Variants in ZNF469 observed in about 807,000 individuals in gnomAD.
ZNF469 encodes the protein zinc finger protein 469.
Under a neutral mutation model 1.0 loss-of-function variants are expected in ZNF469, and 1 was observed. The observed-to-expected ratio is 1.00, with a 90% CI of 0.35 to 4.73. The LOEUF is 4.73. Ranked by LOEUF, ZNF469 falls within the 30% of genes most tolerant of loss-of-function variation. The pLI is 0.16. For synonymous variants in ZNF469, 2,703 were observed against 2,363.4 expected, an observed-to-expected ratio of 1.14 and a Z score of -4.17; for missense variants, 6,100 against 5,356.3, an observed-to-expected ratio of 1.14 and a Z score of -4.33.
the ZNF469 span, among the ~76,000 whole-genome samples, chr16:88,283,926 G>A: frequency 5.2e-5 from 7 of 133,766 alleles, no homozygotes; most frequent in South Asian, 1.2e-3. Flanking sequence ...GTGTGCCCGA[G>A]GTCTGCGGAG....
chr16:88,305,622 G>A, the ZNF469 span, among the ~76,000 whole-genome samples: 10 of 132,912 alleles, frequency 7.5e-5, no homozygotes, highest in East Asian at 7.2e-4. Flanking sequence ...ACACCCTCAC[G>A]TGCACACACA....
the ZNF469 span, among the ~76,000 whole-genome samples, chr16:88,201,247 A>T: frequency 6.6e-6 from 1 of 152,214 alleles, no homozygotes; most frequent in Non-Finnish European, 1.5e-5. This position sits in a 1 kb window ranked among gnomAD's most constrained non-coding sequence, Gnocchi z 5.0. Context: ...TTTTAAAGAA[A>T]ATAACCCTTT....
At chr16:88,402,635 C>T (rs74032842) in intron 1 of ZNF469, among the ~76,000 whole-genome samples, 13,791 of 152,208 alleles carry the variant, frequency 0.091, 884 homozygotes, top group African/African-American at 0.18. Context: ...TCTGCCCCCA[C>T]GGTCAGGGCC....
the ZNF469 span, among the ~76,000 whole-genome samples, chr16:88,299,113 G>C: frequency 6.6e-6 from 1 of 150,398 alleles, no homozygotes; most frequent in African/African-American, 2.4e-5. Context: ...GGCAGCTTGG[G>C]GTGGGGAGGG....
the ZNF469 span, among the ~76,000 whole-genome samples, chr16:88,101,188 C>T: frequency 1.2e-4 from 19 of 152,246 alleles, no homozygotes; most frequent in Non-Finnish European, 2.1e-4. Context: ...TGGTGACGAT[C>T]GCGATGCCTT....
the ZNF469 span, among the ~76,000 whole-genome samples, chr16:88,280,607 C>T: frequency 6.6e-6 from 1 of 151,910 alleles, no homozygotes; most frequent in Non-Finnish European, 1.5e-5. Context: ...TGCTGTGCCA[C>T]ACCAACGCTT....
At chr16:88,131,684 G>A in the ZNF469 span, among the ~76,000 whole-genome samples, 1 of 152,280 alleles carries the variant, frequency 6.6e-6, no homozygotes. Flanking sequence ...CCAGTGCAGG[G>A]AGGGGCCGCT....
In ZNF469 at chr16:88,435,719, C is replaced by A; in HGVS notation, c.8249C>A (p.Ala2750Asp). ...GAACAGCCAACTGGGCAGAAGGGAG[C>A]CTCGGCAAGGGGGTTCTGGGGACCA... ...LGEQPTGQKG[A>D]SARGFWGPRE... The change falls in exon 3 of 3, where the codon GCC becomes GAC. Residue 2750 changes from alanine to aspartate, a missense_variant. Transcript: ENST00000565624. The A allele has an allele frequency of 6.4e-7, 1 of 1,550,772 alleles. No homozygotes were observed. The highest frequency in any genetic ancestry group is 8.7e-7 in the Non-Finnish European group (1 of 1,146,980).
In ZNF469 at chr16:88,424,607, C is replaced by T. The variant is rs902394559; in HGVS notation, c.-191-200C>T. ...AGGTGACCCCTAAACCCTTCAGGGT[C>T]CCCCGGGCCAGCTGAGCTGCCCGCT... On this transcript the variant is annotated intron_variant, in intron 1 of 2. Coordinates refer to ENST00000565624, the MANE Select transcript of ZNF469 (RefSeq NM_001367624.2). The surrounding 1 kb of genome is among the most constrained non-coding windows in gnomAD (Gnocchi z 4.3). Among the ~76,000 whole-genome samples the T allele has an allele frequency of 2.0e-5, 3 of 152,128 alleles. No homozygotes were observed. The highest frequency in any genetic ancestry group is 6.5e-5 in the Admixed American group (1 of 15,280).
At chr16:88,157,666 G>T in the ZNF469 span, among the ~76,000 whole-genome samples, 1 of 152,166 alleles carries the variant, frequency 6.6e-6, no homozygotes, top group Admixed American at 6.5e-5. Flanking sequence ...AGTTTATTTG[G>T]TTGGATGTGG....
the ZNF469 span, among the ~76,000 whole-genome samples, chr16:88,323,277 G>A: frequency 6.6e-6 from 1 of 152,160 alleles, no homozygotes; most frequent in Admixed American, 6.5e-5. Context: ...CTGGGAGGCT[G>A]GGGACACGTG....
At chr16:88,283,995 CG>C in the ZNF469 span, among the ~76,000 whole-genome samples, 3 of 51,406 alleles carry the variant, frequency 5.8e-5, no homozygotes, top group African/African-American at 3.7e-4. Context: ...CGAGTGTGCC[CG>C]AGGTCTGTGG....
the ZNF469 span, among the ~76,000 whole-genome samples, chr16:88,157,690 A>G: frequency 6.7e-4 from 102 of 152,282 alleles, no homozygotes; most frequent in African/African-American, 2.4e-3. Flanking sequence ...TGGTGAAGAA[A>G]TGCCCAGCTC....
At chr16:88,323,241 G>A in the ZNF469 span, among the ~76,000 whole-genome samples, 3 of 152,150 alleles carry the variant, frequency 2.0e-5, no homozygotes, top group Admixed American at 2.0e-4. Context: ...GGGCCCCGGA[G>A]GCCTTGGTGG....
chr16:88,167,292 C>T, the ZNF469 span, among the ~76,000 whole-genome samples: 1 of 152,082 alleles, frequency 6.6e-6, no homozygotes. Flanking sequence ...GAACTCCTGA[C>T]TTCAGGTGAT....
chr16:88,401,547 A>ATGGATGGATGG (rs1555516470), intron 1 of ZNF469, among the ~76,000 whole-genome samples: 1 of 77,416 alleles, frequency 1.3e-5, no homozygotes, highest in African/African-American at 4.7e-5. Flanking sequence ...GGGTGGATGG[A>ATGGATGGATGG]TGGATGCATG....
chr16:88,149,487 G>T, the ZNF469 span, among the ~76,000 whole-genome samples: 4 of 152,188 alleles, frequency 2.6e-5, no homozygotes, highest in African/African-American at 9.7e-5. Context: ...GCAGAGATGG[G>T]CGCATCCCTG....
At chr16:88,193,516 C>T in the ZNF469 span, 1 of 152,150 alleles carries the variant, frequency 6.6e-6, no homozygotes, top group Non-Finnish European at 1.5e-5. Flanking sequence ...CTGGGCACTA[C>T]ACAGGAGGAT....
the ZNF469 span, among the ~76,000 whole-genome samples, chr16:88,303,588 G>T: frequency 1.3e-5 from 2 of 152,210 alleles, no homozygotes; most frequent in African/African-American, 4.8e-5. Flanking sequence ...CAGAGTTGGA[G>T]AAGCCCTCCC....
Sources: gnomAD v4.1 joint callset for allele counts (sites outside exome capture counted in the v4.1 genomes callset) on GRCh38, gnomAD v4.1.1 for gene constraint, Gnocchi (gnomAD v3.1) non-coding constraint, MANE v1.5 for transcripts, NCBI Gene and HGNC (gene_info 2026-07-23, HGNC 2026-07-21) for gene names.